Variants in CD302 observed in about 807,000 individuals in gnomAD.
The protein encoded by CD302 is CD302 antigen.
CD302 carries 23 observed loss-of-function variants against 26.5 expected under a neutral mutation model. That is an observed-to-expected ratio of 0.87 (90% CI 0.62 to 1.23). The LOEUF is 1.23. Among genes scored for constraint, CD302 ranks in the 50% most tolerant of loss-of-function variants. CD302 has a pLI of 0.00. For synonymous variants in CD302, 90 were observed against 99.4 expected, an observed-to-expected ratio of 0.91 and a Z score of 0.56; for missense variants, 290 against 275.5, an observed-to-expected ratio of 1.05 and a Z score of -0.37.
chr2:159,778,063 T>A, intron 4 of CD302, 99 bp from the exon 5 acceptor site: 3 of 433,510 alleles, frequency 6.9e-6, no homozygotes, highest in Non-Finnish European at 1.1e-5. Flanking sequence ...ACCCTTTTAT[T>A]AGTAGCTTAA....
chr2:159,793,643 T>G (rs1708867589), intron 1 of CD302, among the ~76,000 whole-genome samples: 1 of 152,206 alleles, frequency 6.6e-6, no homozygotes, highest in Admixed American at 6.5e-5. Context: ...AGGGGCTATT[T>G]ATTACATTTA....
chr2:159,782,160 C>T (rs1458757622), intron 2 of CD302, among the ~76,000 whole-genome samples: 1 of 151,652 alleles, frequency 6.6e-6, no homozygotes, highest in Admixed American at 6.6e-5. Flanking sequence ...CTCAGCTACT[C>T]GGGAGGCTGA....
At chr2:159,795,656 C>G (rs1238359691) in intron 1 of CD302, among the ~76,000 whole-genome samples, 1 of 152,120 alleles carries the variant, frequency 6.6e-6, no homozygotes, top group African/African-American at 2.4e-5. Context: ...GGCAGCCATG[C>G]CAAGGACTGG....
chr2:159,793,543 T>C (rs1354213973), intron 1 of CD302, among the ~76,000 whole-genome samples: 2 of 152,162 alleles, frequency 1.3e-5, no homozygotes, highest in African/African-American at 4.8e-5. Flanking sequence ...TCATTGTCAA[T>C]AATAAGACCT....
At chr2:159,780,763 TTTAACACCTGGAGGCCACAGGAATCA>T in intron 3 of CD302, 93 bp downstream of exon 3, 5 of 915,496 alleles carry the variant, frequency 5.5e-6, no homozygotes, top group Non-Finnish European at 8.7e-6. Flanking sequence ...ACACTGAAAA[TTTAACACCTGGAGGCCACAGGAATCA>T]TCAACTTGAA....
intron 4 of CD302, among the ~76,000 whole-genome samples, chr2:159,779,463 AC>A: frequency 6.6e-6 from 1 of 152,216 alleles, no homozygotes; most frequent in South Asian, 2.1e-4. Context: ...ATTCCTCTGA[AC>A]AAGAAATTTT....
At chr2:159,793,512 G>A (rs1330011548) in intron 1 of CD302, among the ~76,000 whole-genome samples, 5 of 152,082 alleles carry the variant, frequency 3.3e-5, no homozygotes, top group Admixed American at 2.6e-4. Context: ...AAAGGAAAAG[G>A]GAAAGACTTC....
chr2:159,781,017 GA>G lies in CD302; in HGVS notation c.179-20del, dbSNP rs1044712565. The G allele has an allele frequency of 3.8e-6, 6 of 1,580,750 alleles. No individual in the cohort carries two copies. Among genetic ancestry groups the G allele is most frequent in the Non-Finnish European group, 5.1e-6 (6 of 1,168,008 alleles). On this transcript the variant is annotated intron_variant, in intron 2 of 5. Transcript: ENST00000259053. ...TCCGCTCCTGAAATTATTTTAAAGA[GA>G]AAAAAAGTCAGCATATTCCAGAATC...
chr2:159,773,578 C>A (rs115484578), intron 5 of CD302, among the ~76,000 whole-genome samples: 3 of 152,248 alleles, frequency 2.0e-5, no homozygotes, highest in Non-Finnish European at 2.9e-5. Flanking sequence ...CCAAGATGGG[C>A]GAGACACAGT....
chr2:159,780,155 T>C lies in CD302; in HGVS notation c.319A>G (p.Asn107Asp). The change falls in exon 4 of 6, where the codon AAT (asparagine) becomes GAT (aspartate). Residue 107 changes from asparagine (N) to aspartate (D), a missense_variant. Physicochemically the swap from Asn to Asp is conservative, Grantham distance 23 (BLOSUM62 1). Transcript: ENST00000259053. ...TDDASFKWFD[N>D]SNMTFDKWTD... The stretch of plus-strand genomic sequence containing the variant: ...CACTTATCAAATGTCATATTTGAAT[T>C]ATCAAACCACTTGAAACTCGCATCT... The C allele has an allele frequency of 6.2e-7, 1 of 1,613,732 alleles. No individual in the cohort carries two copies. The highest frequency in any genetic ancestry group is 1.3e-5 in the African/African-American group (1 of 75,032).
At chr2:159,788,342 G>A (rs1471267122) in intron 1 of CD302, among the ~76,000 whole-genome samples, 3 of 152,146 alleles carry the variant, frequency 2.0e-5, no homozygotes, top group Non-Finnish European at 4.4e-5. Context: ...AAATACTTAT[G>A]TTGTGCTACA....
Position 159,793,438 on chromosome 2 carries a change from G to GA in CD302, c.67+4693dup, listed in dbSNP as rs572169597. 6.6e-3 allele frequency among the ~76,000 whole-genome samples: 956 copies of GA among 144,204 alleles called. 8 individuals are homozygous for GA. Among genetic ancestry groups the GA allele is most frequent in the Admixed American group, 0.027 (388 of 14,546 alleles). 94.6% of individuals were successfully genotyped at this position (144,204 alleles called of 152,430 possible). Reference sequence around the variant, plus strand: ...TCTGTCTCTCTTTTTTTTAAAAAAAGAAAAAAAAAACAGGCACAGCATGAG... The same window carrying GA: ...TCTGTCTCTCTTTTTTTTAAAAAAAGAAAAAAAAAAACAGGCACAGCATGAG... On this transcript the variant is annotated intron_variant, in intron 1 of 5. Coordinates refer to ENST00000259053, the MANE Select transcript of CD302 (RefSeq NM_014880.5).
chr2:159,781,439 A>C (rs1708505393), intron 2 of CD302: 1 of 155,746 alleles, frequency 6.4e-6, no homozygotes, highest in Admixed American at 6.5e-5. Context: ...ACCCACCTGT[A>C]ATCCCAGCTA....
At chr2:159,787,859 A>T (rs1165097524) in intron 1 of CD302, among the ~76,000 whole-genome samples, 1 of 152,216 alleles carries the variant, frequency 6.6e-6, no homozygotes, top group Non-Finnish European at 1.5e-5. Flanking sequence ...TCACGCCTGT[A>T]ATCCCAGCAC....
intron 5 of CD302, among the ~76,000 whole-genome samples, chr2:159,773,709 T>G (rs2125791313): frequency 6.6e-6 from 1 of 152,316 alleles, no homozygotes; most frequent in East Asian, 1.9e-4. Flanking sequence ...TCAAGGCAAC[T>G]GATAAGCAGT....
chr2:159,782,948 G>A (rs1708561345), intron 2 of CD302, among the ~76,000 whole-genome samples: 1 of 152,198 alleles, frequency 6.6e-6, no homozygotes, highest in African/African-American at 2.4e-5. Context: ...AAATCCAACA[G>A]ATCTGGGTTA....
intron 1 of CD302, 78 bp from the exon 2 acceptor site, chr2:159,783,547 G>C: frequency 1.8e-6 from 2 of 1,129,790 alleles, no homozygotes; most frequent in Non-Finnish European, 2.4e-6. Context: ...AAGGATATTA[G>C]ATACTAAATT....
chr2:159,792,422 CTGTGTG>C (rs3138650), intron 1 of CD302, among the ~76,000 whole-genome samples: 2,665 of 145,270 alleles, frequency 0.018, 71 homozygotes, highest in African/African-American at 0.059. Context: ...AGAACCAACT[CTGTGTG>C]TGTGTGTGTG....
At position 159,771,774 on chromosome 2, in the gene CD302, G is replaced by C; in HGVS notation, c.*77C>G. Reference sequence around the variant, plus strand: ...TTAAAGCTCTAATATCCAATGTCAAGTTTTATATTAAAATCTTTCCCAAGT... The same window carrying C: ...TTAAAGCTCTAATATCCAATGTCAACTTTTATATTAAAATCTTTCCCAAGT... On this transcript the variant is annotated 3_prime_UTR_variant, in exon 6 of 6. Coordinates refer to ENST00000259053, the MANE Select transcript of CD302 (RefSeq NM_014880.5). 3 of 1,502,592 alleles carry C rather than the reference G, an allele frequency of 2.0e-6. No homozygotes were observed. Among genetic ancestry groups the C allele is most frequent in the Non-Finnish European group, 2.7e-6 (3 of 1,097,598 alleles). The allele number at this position is 1,502,592 out of a possible 1,614,324, so 93.1% of individuals were successfully genotyped here.
Sources: gnomAD v4.1 joint callset for allele counts (sites outside exome capture counted in the v4.1 genomes callset) on GRCh38, gnomAD v4.1.1 for gene constraint, MANE v1.5 for transcripts, NCBI Gene and HGNC (gene_info 2026-07-23, HGNC 2026-07-21) for gene names.